The following CSMD3 variants were observed in gnomAD, a reference collection of about 807,000 sequenced individuals.
CSMD3 encodes CUB and Sushi multiple domains 3.
Under a neutral mutation model 435.2 loss-of-function variants are expected in CSMD3, and 177 were observed. The ratio of observed to expected loss-of-function variants is 0.41; its 90% CI spans 0.36 to 0.46. The LOEUF (loss-of-function observed/expected upper bound fraction) is 0.46, where lower values mean the gene tolerates loss of function less well. Ranked by LOEUF, CSMD3 falls within the 20% of genes least tolerant of loss-of-function variation. The probability of loss-of-function intolerance (pLI) is 0.34; values close to 1 mark genes in which losing one functional copy is unlikely to be tolerated. For missense variants in CSMD3, 4,265 were observed against 4,504.6 expected (o/e 0.95, Z 1.52); for synonymous variants, 1,656 against 1,520.5 (o/e 1.09, Z -2.07).
intron 1 of CSMD3, among the ~76,000 whole-genome samples, chr8:113,328,693 C>T (rs1287642287): frequency 5.8e-5 from 8 of 139,058 alleles, no homozygotes; most frequent in African/African-American, 2.2e-4. Context: ...TTTAAAATAC[C>T]ATGTTTTCTT....
chr8:112,699,121 G>A (rs551702486), intron 13 of CSMD3, among the ~76,000 whole-genome samples: 43 of 152,200 alleles, frequency 2.8e-4, no homozygotes, highest in South Asian at 1.5e-3. Context: ...CAACCCGCTC[G>A]CGTCCCCTTC....
At chr8:113,104,411 T>C (rs886681601) in intron 4 of CSMD3, among the ~76,000 whole-genome samples, 8 of 152,146 alleles carry the variant, frequency 5.3e-5, no homozygotes, top group African/African-American at 1.9e-4. Context: ...GCAAACTATT[T>C]AAATATTACA....
At position 112,265,585 on chromosome 8, in the gene CSMD3, T is replaced by A. The variant is rs762659571; in HGVS notation, c.9514A>T (p.Ser3172Cys). ...GCTGGTATACCTGGGTCTCCACAAC[T>A]GATTACTGTCAGTATTGGATTAGAA... Reference protein sequence around the residue: ...SGTLPNCTIISCGDPGIPANG... With the variant: ...SGTLPNCTIICCGDPGIPANG... Residue 3172 changes from serine (S) to cysteine (C), a missense_variant, in exon 60 of 71, where the codon AGT (serine) becomes TGT (cysteine). Transcript: ENST00000297405. The A allele has an allele frequency of 2.4e-5, 39 of 1,610,708 alleles. No individual in the cohort carries two copies. The highest frequency in any genetic ancestry group is 3.2e-5 in the Non-Finnish European group (38 of 1,177,114).
At chr8:113,017,733 A>G (rs1196823516) in intron 6 of CSMD3, among the ~76,000 whole-genome samples, 1 of 152,082 alleles carries the variant, frequency 6.6e-6, no homozygotes, top group African/African-American at 2.4e-5. Flanking sequence ...ATAGTCCTCT[A>G]AAGTACACAA....
chr8:112,348,800 A>T (rs1253556150), intron 40 of CSMD3, among the ~76,000 whole-genome samples: 1 of 152,140 alleles, frequency 6.6e-6, no homozygotes, highest in Admixed American at 6.5e-5. Flanking sequence ...TGTAAACTTA[A>T]TCAAAATGAT....
At chr8:112,740,567 T>A (rs1157160917) in intron 13 of CSMD3, among the ~76,000 whole-genome samples, 11 of 151,906 alleles carry the variant, frequency 7.2e-5, no homozygotes, top group Non-Finnish European at 1.2e-4. Flanking sequence ...ATTGAAGGTA[T>A]GCACTCTGTT....
intron 4 of CSMD3, among the ~76,000 whole-genome samples, chr8:113,168,338 T>C (rs2092194825): frequency 6.6e-6 from 1 of 151,734 alleles, no homozygotes; most frequent in South Asian, 2.1e-4. Flanking sequence ...CTGGCCAACA[T>C]GGTCAAACCC....
intron 14 of CSMD3, among the ~76,000 whole-genome samples, chr8:112,688,117 G>T (rs764743053): frequency 7.2e-5 from 11 of 152,088 alleles, no homozygotes; most frequent in Non-Finnish European, 4.4e-5. Flanking sequence ...GAAAGTGTTT[G>T]GTTATGTTCC....
At chr8:112,887,134 A>C (rs967399029) in intron 10 of CSMD3, among the ~76,000 whole-genome samples, 7 of 151,256 alleles carry the variant, frequency 4.6e-5, no homozygotes, top group African/African-American at 1.7e-4. Context: ...AAATTAATTT[A>C]TACAGTTAAA....
chr8:113,044,003 C>T (rs553059925), intron 5 of CSMD3, among the ~76,000 whole-genome samples: 1 of 151,976 alleles, frequency 6.6e-6, no homozygotes, highest in Non-Finnish European at 1.5e-5. Flanking sequence ...ATTCACTCAG[C>T]CCTACCTTAA....
chr8:112,616,439 TA>T (rs1833669354), intron 22 of CSMD3, among the ~76,000 whole-genome samples: 1 of 152,132 alleles, frequency 6.6e-6, no homozygotes, highest in Admixed American at 6.6e-5. Context: ...GTGAGATAAA[TA>T]AGCTATGGGC....
At chr8:113,117,875 C>T (rs1386357473) in intron 4 of CSMD3, among the ~76,000 whole-genome samples, 2 of 152,204 alleles carry the variant, frequency 1.3e-5, no homozygotes, top group African/African-American at 2.4e-5. Flanking sequence ...ATTTCTCCCA[C>T]TTGGAGCAGG....
intron 13 of CSMD3, among the ~76,000 whole-genome samples, chr8:112,798,929 T>A (rs771078710): frequency 2.0e-5 from 3 of 151,670 alleles, no homozygotes; most frequent in Non-Finnish European, 3.0e-5. Flanking sequence ...GGATCTGTAC[T>A]CCAAATCAGC....
At chr8:112,330,490 T>C (rs10156319) in intron 45 of CSMD3, among the ~76,000 whole-genome samples, 7,130 of 152,186 alleles carry the variant, frequency 0.047, 276 homozygotes, top group East Asian at 0.14. Context: ...AGTAAATACA[T>C]ATTTTGGCTA....
At chr8:113,331,214 C>A (rs2094025161) in intron 1 of CSMD3, among the ~76,000 whole-genome samples, 1 of 151,228 alleles carries the variant, frequency 6.6e-6, no homozygotes, top group East Asian at 1.9e-4. Context: ...TGAACAAATT[C>A]CTAGAATGAC....
At chr8:113,071,701 T>C (rs1252400392) in intron 5 of CSMD3, among the ~76,000 whole-genome samples, 3 of 151,934 alleles carry the variant, frequency 2.0e-5, no homozygotes, top group Non-Finnish European at 4.4e-5. Context: ...TTTTGATTAC[T>C]GGATATTTGT....
chr8:113,053,208 T>C (rs1019668178), intron 5 of CSMD3, among the ~76,000 whole-genome samples: 4 of 152,156 alleles, frequency 2.6e-5, no homozygotes, highest in African/African-American at 9.6e-5. Context: ...ATATCTCCCT[T>C]TGTCCTTCCA....
chr8:112,599,165 A>G (rs1437587532), intron 22 of CSMD3, among the ~76,000 whole-genome samples: 1 of 103,114 alleles, frequency 9.7e-6, no homozygotes, highest in East Asian at 2.4e-4. Context: ...ACTCAAACAA[A>G]TTTAAAAGAA....
intron 45 of CSMD3, among the ~76,000 whole-genome samples, chr8:112,322,012 A>AG (rs1208248962): frequency 3.9e-5 from 6 of 152,132 alleles, no homozygotes; most frequent in Non-Finnish European, 8.8e-5. Context: ...TGGAGAAGAT[A>AG]GGGGGAGCCT....
Sources: allele counts gnomAD v4.1 joint callset (sites outside exome capture counted in the v4.1 genomes callset), GRCh38; gene constraint gnomAD v4.1.1; transcripts MANE v1.5; gene names NCBI Gene and HGNC (gene_info 2026-07-23, HGNC 2026-07-21).